The following SCRG1 variants were observed in gnomAD, a reference collection of about 807,000 sequenced individuals.
SCRG1 encodes stimulator of chondrogenesis 1, also known as scrapie-responsive protein 1.
In SCRG1, 3 loss-of-function variants were observed where a neutral mutation model predicts 7.7. The observed-to-expected ratio is 0.39, with a 90% CI of 0.18 to 1.01. The LOEUF is 1.01. Ranked by LOEUF, SCRG1 falls within the 50% of genes least tolerant of loss-of-function variation. The pLI is 0.36. For synonymous variants in SCRG1, 46 were observed against 41.2 expected (o/e 1.12, Z -0.44); for missense variants, 110 against 117.2 (o/e 0.94, Z 0.28).
the SCRG1 span, among the ~76,000 whole-genome samples, chr4:173,451,700 G>A: frequency 6.7e-6 from 1 of 148,622 alleles, no homozygotes; most frequent in Non-Finnish European, 1.5e-5. Context: ...ACAGAGTCTC[G>A]CTTTGTCACC....
the SCRG1 span, among the ~76,000 whole-genome samples, chr4:173,457,131 G>A: frequency 6.6e-6 from 1 of 152,238 alleles, no homozygotes; most frequent in African/African-American, 2.4e-5. Context: ...AGGGTGGCCT[G>A]AGCTCCTTCA....
intron 1 of SCRG1, among the ~76,000 whole-genome samples, chr4:173,393,077 C>T (rs183414118): frequency 1.4e-4 from 20 of 145,342 alleles, no homozygotes; most frequent in African/African-American, 4.5e-4. Flanking sequence ...CATGACAGAG[C>T]GAGACTCCGT....
the SCRG1 span, among the ~76,000 whole-genome samples, chr4:173,475,366 A>G: frequency 6.6e-6 from 1 of 152,232 alleles, no homozygotes; most frequent in Non-Finnish European, 1.5e-5. Flanking sequence ...AAGGATGCTA[A>G]ACATTCTGCA....
At chr4:173,408,991 C>CAAAAAAAAAAAAAAA (rs991902394), upstream of SCRG1, among the ~76,000 whole-genome samples, 11 of 51,232 alleles carry the variant, frequency 2.1e-4, no homozygotes, top group Admixed American at 4.0e-4. Context: ...GACTCAGTCT[C>CAAAAAAAAAAAAAAA]AAAAAAAAAA....
chr4:173,396,452 T>A (rs1560832146), intron 1 of SCRG1, among the ~76,000 whole-genome samples: 1 of 152,196 alleles, frequency 6.6e-6, no homozygotes, highest in Non-Finnish European at 1.5e-5. Flanking sequence ...GATGCCAGCA[T>A]CAAGGCAGCA....
At chr4:173,503,594 T>C in the SCRG1 span, among the ~76,000 whole-genome samples, 1 of 152,098 alleles carries the variant, frequency 6.6e-6, no homozygotes, top group Admixed American at 6.5e-5. This position sits in a 1 kb window ranked among gnomAD's most constrained non-coding sequence, Gnocchi z 6.4. Context: ...GAAAATAGAA[T>C]TTCCGAAGAC....
chr4:173,397,885 C>A (rs559910921), intron 1 of SCRG1, among the ~76,000 whole-genome samples: 1 of 152,074 alleles, frequency 6.6e-6, no homozygotes, highest in Non-Finnish European at 1.5e-5. Flanking sequence ...TTTCGGATTG[C>A]TTTCAAAAAA....
the SCRG1 span, among the ~76,000 whole-genome samples, chr4:173,416,911 A>ACACAC: frequency 3.2e-5 from 4 of 125,150 alleles, no homozygotes; most frequent in Admixed American, 1.6e-4. Flanking sequence ...CACACACCCA[A>ACACAC]ACACACACAC....
intron 2 of SCRG1, 63 bp from the exon 3 acceptor site, chr4:173,388,458 T>G: frequency 8.6e-7 from 1 of 1,162,724 alleles, no homozygotes; most frequent in Non-Finnish European, 1.3e-6. Context: ...TAGTCTATTC[T>G]AGGTTAAAAA....
chr4:173,517,277 A>G, the SCRG1 span, among the ~76,000 whole-genome samples: 9 of 152,370 alleles, frequency 5.9e-5, no homozygotes, highest in South Asian at 1.9e-3. Context: ...GCCCGTGCAC[A>G]GGAACCTTTT....
At chr4:173,444,266 G>A in the SCRG1 span, among the ~76,000 whole-genome samples, 8 of 152,126 alleles carry the variant, frequency 5.3e-5, no homozygotes, top group African/African-American at 1.2e-4. Flanking sequence ...GAGCCTCTGC[G>A]CCTGGCCAAG....
At chr4:173,408,008 A>G (rs1347036948), upstream of SCRG1, among the ~76,000 whole-genome samples, 1 of 152,274 alleles carries the variant, frequency 6.6e-6, no homozygotes. Context: ...AAACTGAAAT[A>G]ATAAATACAA....
At chr4:173,476,362 A>AT in the SCRG1 span, among the ~76,000 whole-genome samples, 2,193 of 104,998 alleles carry the variant, frequency 0.021, 106 homozygotes, top group African/African-American at 0.053. Context: ...GGGAAAAAAA[A>AT]AATATATATA....
chr4:173,400,141 G>A (rs893884523), upstream of SCRG1, among the ~76,000 whole-genome samples: 1 of 152,064 alleles, frequency 6.6e-6, no homozygotes. Context: ...AAAGAAGGAT[G>A]GTTTCCTGGG....
In SCRG1 at chr4:173,388,303, A is replaced by C; in HGVS notation, c.*38T>G. On this transcript the variant is annotated 3_prime_UTR_variant, in exon 3 of 3. Coordinates refer to ENST00000296506, the MANE Select transcript of SCRG1 (RefSeq NM_007281.4). ...ATACTGATGTAGTGCAGTTTGTGGG[A>C]AATCAGGAATGGTGTTCTCCAGAAT... 6.6e-7 allele frequency: 1 copy of C among 1,508,558 alleles called. No individual in the cohort carries two copies. The highest frequency in any genetic ancestry group is 1.1e-5 in the South Asian group (1 of 87,070). The allele number at this position is 1,508,558 out of a possible 1,614,324, so 93.4% of individuals were successfully genotyped here.
the SCRG1 span, among the ~76,000 whole-genome samples, chr4:173,434,792 C>T: frequency 2.9e-3 from 440 of 152,136 alleles, no homozygotes; most frequent in African/African-American, 0.01. Flanking sequence ...GATCGTGCCA[C>T]GGCACTCTAG....
chr4:173,402,877 C>T (rs1739797699), upstream of SCRG1, among the ~76,000 whole-genome samples: 4 of 152,162 alleles, frequency 2.6e-5, no homozygotes, highest in South Asian at 2.1e-4. Context: ...TTATTGAAAA[C>T]TAACTCACAA....
the SCRG1 span, among the ~76,000 whole-genome samples, chr4:173,417,364 G>T: frequency 6.6e-6 from 1 of 152,154 alleles, no homozygotes; most frequent in East Asian, 1.9e-4. Flanking sequence ...TTTAGAAACA[G>T]AATTGAATCC....
the SCRG1 span, among the ~76,000 whole-genome samples, chr4:173,458,718 A>T: frequency 1.3e-5 from 2 of 152,174 alleles, no homozygotes; most frequent in Non-Finnish European, 2.9e-5. Context: ...ATAACCAGAA[A>T]ACAATTAAAA....
Sources: allele counts gnomAD v4.1 joint callset (sites outside exome capture counted in the v4.1 genomes callset), GRCh38; gene constraint gnomAD v4.1.1; non-coding constraint Gnocchi (gnomAD v3.1); transcripts MANE v1.5; gene names NCBI Gene and HGNC (gene_info 2026-07-23, HGNC 2026-07-21).